The following CORIN variants were observed in gnomAD, a reference collection of about 807,000 sequenced individuals.
The protein encoded by CORIN is corin, serine peptidase.
In CORIN, 117 loss-of-function variants were observed where a neutral mutation model predicts 125.3. That is an observed-to-expected ratio of 0.93 (90% CI 0.80 to 1.09). CORIN has a LOEUF of 1.09. Among genes scored for constraint, CORIN ranks in the 50% least tolerant of loss-of-function variants. CORIN has a pLI of 0.00. For missense variants in CORIN, 1,253 were observed against 1,306.7 expected (o/e 0.96, Z 0.63); for synonymous variants, 450 against 466.4 (o/e 0.96, Z 0.45).
chr4:47,659,894 T>C (rs1279612333), intron 12 of CORIN, among the ~76,000 whole-genome samples: 1 of 152,108 alleles, frequency 6.6e-6, no homozygotes, highest in African/African-American at 2.4e-5. Flanking sequence ...GCCAAAGCTA[T>C]CCCGAGCAAA....
In CORIN at chr4:47,665,105, GGTATTTATAACA is replaced by G; in HGVS notation, c.1504_1515del (p.Cys502_Tyr505del). The G allele has an allele frequency of 6.2e-7, 1 of 1,613,750 alleles. No homozygotes were observed. Among genetic ancestry groups the G allele is most frequent in the Non-Finnish European group, 8.5e-7 (1 of 1,179,800 alleles). On this transcript the variant is annotated inframe_deletion, in exon 11 of 22. Transcript: ENST00000273857. ...AAAATGGTGCAAGAAAAGAACATGAGGTATTTATAACAGTTGGTTTGAACAAGTGCAGGGAAA... is the reference window on the plus strand; with the variant it reads ...AAAATGGTGCAAGAAAAGAACATGAGGTTGGTTTGAACAAGTGCAGGGAAA...
intron 1 of CORIN, among the ~76,000 whole-genome samples, chr4:47,819,102 T>G (rs1322208103): frequency 6.6e-6 from 1 of 151,866 alleles, no homozygotes; most frequent in Non-Finnish European, 1.5e-5. Context: ...ATAGCAAAAA[T>G]GAAAAATATT....
intron 16 of CORIN, among the ~76,000 whole-genome samples, chr4:47,627,264 T>C (rs865848969): frequency 2.0e-5 from 3 of 152,210 alleles, no homozygotes; most frequent in African/African-American, 7.2e-5. Flanking sequence ...ATTACAGGCA[T>C]GAACCATGGC....
intron 2 of CORIN, among the ~76,000 whole-genome samples, chr4:47,800,992 C>T (rs927165325): frequency 6.6e-6 from 1 of 152,126 alleles, no homozygotes; most frequent in African/African-American, 2.4e-5. Flanking sequence ...CTGAGACTGC[C>T]GCATGCATGG....
chr4:47,693,485 C>T (rs1011087439), intron 5 of CORIN, among the ~76,000 whole-genome samples: 3 of 152,008 alleles, frequency 2.0e-5, no homozygotes, highest in East Asian at 1.9e-4. Context: ...AAAAGTCTAC[C>T]TTTCTAAAAA....
At chr4:47,781,710 C>T (rs1211912667) in intron 3 of CORIN, among the ~76,000 whole-genome samples, 1 of 152,176 alleles carries the variant, frequency 6.6e-6, no homozygotes, top group Non-Finnish European at 1.5e-5. Context: ...GATCCCAGCA[C>T]TTTGGGAGGC....
chr4:47,741,273 T>C (rs1034411298), intron 5 of CORIN, among the ~76,000 whole-genome samples: 1 of 152,020 alleles, frequency 6.6e-6, no homozygotes, highest in African/African-American at 2.4e-5. Flanking sequence ...GGGCAAAGTA[T>C]TTGAATAGAT....
At chr4:47,623,826 C>G in intron 18 of CORIN, 73 bp downstream of exon 18, 1 of 1,605,650 alleles carries the variant, frequency 6.2e-7, no homozygotes, top group Non-Finnish European at 8.5e-7. Flanking sequence ...CACTTACAAG[C>G]GATCACTCTT....
At chr4:47,836,927 G>C (rs1225894061) in intron 1 of CORIN, among the ~76,000 whole-genome samples, 1 of 152,240 alleles carries the variant, frequency 6.6e-6, no homozygotes, top group African/African-American at 2.4e-5. Context: ...CCCCGATTCG[G>C]AGCAGCTGGG....
At chr4:47,821,177 G>C (rs1465375285) in intron 1 of CORIN, among the ~76,000 whole-genome samples, 1 of 151,946 alleles carries the variant, frequency 6.6e-6, no homozygotes, top group Non-Finnish European at 1.5e-5. Context: ...AGAGGTTTCA[G>C]TGAGCCAAGA....
At chr4:47,609,581 A>G (rs1034620469) in intron 19 of CORIN, among the ~76,000 whole-genome samples, 3 of 136,876 alleles carry the variant, frequency 2.2e-5, no homozygotes, top group African/African-American at 7.8e-5. Flanking sequence ...CAGGCAAGGT[A>G]AACGGATTTT....
chr4:47,773,638 G>A (rs1371881239), intron 3 of CORIN, among the ~76,000 whole-genome samples: 1 of 152,048 alleles, frequency 6.6e-6, no homozygotes, highest in Non-Finnish European at 1.5e-5. Flanking sequence ...ATTTTATGGA[G>A]AATAAGATCG....
At position 47,696,646 on chromosome 4, in the gene CORIN, C is replaced by T. The variant is rs114756375; in HGVS notation, c.800-3563G>A. On this transcript the variant is annotated intron_variant, in intron 5 of 21. Transcript: ENST00000273857. ...CTGCCTAAAAAGCTAGTTTACATGT[C>T]CAGATGATGGGGACAATTATGGATC... 6.3e-3 allele frequency among the ~76,000 whole-genome samples: 961 copies of T among 152,204 alleles called. 7 individuals carry two copies. The highest frequency in any genetic ancestry group is 0.021 in the African/African-American group (892 of 41,518).
At chr4:47,617,468 C>A (rs908374198) in intron 19 of CORIN, among the ~76,000 whole-genome samples, 5 of 152,200 alleles carry the variant, frequency 3.3e-5, no homozygotes, top group African/African-American at 4.8e-5. Flanking sequence ...ATATCCTAGA[C>A]CCAGACATTT....
At chr4:47,761,689 T>C (rs181134386) in intron 4 of CORIN, among the ~76,000 whole-genome samples, 2 of 152,070 alleles carry the variant, frequency 1.3e-5, no homozygotes, top group Admixed American at 6.5e-5. Context: ...AAATAGAGAA[T>C]AGAATAAAGG....
intron 3 of CORIN, among the ~76,000 whole-genome samples, chr4:47,783,323 C>T (rs2109910652): frequency 6.6e-6 from 1 of 152,036 alleles, no homozygotes; most frequent in Non-Finnish European, 1.5e-5. Context: ...AATTTGTTTT[C>T]AAAATGTAAC....
At chr4:47,608,608 T>C (rs1444214380) in intron 19 of CORIN, among the ~76,000 whole-genome samples, 1 of 152,242 alleles carries the variant, frequency 6.6e-6, no homozygotes, top group Non-Finnish European at 1.5e-5. Flanking sequence ...ATTTTATTCC[T>C]TGAAATCACA....
intron 5 of CORIN, among the ~76,000 whole-genome samples, chr4:47,726,771 T>C (rs922287182): frequency 3.3e-5 from 5 of 152,060 alleles, no homozygotes; most frequent in South Asian, 2.1e-4. Context: ...AGTTTTGACA[T>C]TGAAGACTGG....
At chr4:47,803,966 A>T (rs1195490278) in intron 2 of CORIN, among the ~76,000 whole-genome samples, 1 of 152,238 alleles carries the variant, frequency 6.6e-6, no homozygotes, top group Non-Finnish European at 1.5e-5. Context: ...CTGACAAGAG[A>T]TTCATAATCA....
Sources: gnomAD v4.1 joint callset for allele counts (sites outside exome capture counted in the v4.1 genomes callset) on GRCh38, gnomAD v4.1.1 for gene constraint, MANE v1.5 for transcripts, NCBI Gene and HGNC (gene_info 2026-07-23, HGNC 2026-07-21) for gene names.